Variants in BMAL1 observed in about 807,000 individuals in gnomAD.
BMAL1 encodes the protein basic helix-loop-helix ARNT-like protein 1.
At chr11:13,287,425 G>C in the BMAL1 span, among the ~76,000 whole-genome samples, 1 of 152,154 alleles carries the variant, frequency 6.6e-6, no homozygotes, top group Non-Finnish European at 1.5e-5. Flanking sequence ...ATTAGACCTA[G>C]CCTGCCTTCT....
At chr11:13,361,276 G>C in the BMAL1 span, among the ~76,000 whole-genome samples, 2 of 152,154 alleles carry the variant, frequency 1.3e-5, no homozygotes, top group Non-Finnish European at 2.9e-5. Context: ...GAATTAGGTC[G>C]GCACAAAGCT....
the BMAL1 span, among the ~76,000 whole-genome samples, chr11:13,299,991 CGTTCTGCAAACATAGGGAAA>C: frequency 6.6e-6 from 1 of 152,186 alleles, no homozygotes; most frequent in Admixed American, 6.5e-5. Context: ...GAGATGGATT[CGTTCTGCAAACATAGGGAAA>C]GTTCCCTTCC....
the BMAL1 span, among the ~76,000 whole-genome samples, chr11:13,382,721 T>C: frequency 1.2e-4 from 19 of 152,350 alleles, no homozygotes; most frequent in African/African-American, 4.3e-4. Flanking sequence ...CAGTCCAGTA[T>C]AGGCTTAAAT....
At chr11:13,316,124 C>T in the BMAL1 span, among the ~76,000 whole-genome samples, 5 of 152,218 alleles carry the variant, frequency 3.3e-5, no homozygotes, top group African/African-American at 1.2e-4. Context: ...CTGCCCTTCT[C>T]CTGGTCCTCT....
the BMAL1 span, chr11:13,358,624 C>T: frequency 1.3e-6 from 2 of 1,513,652 alleles, no homozygotes; most frequent in Non-Finnish European, 1.8e-6. Context: ...CCTTTATGTC[C>T]TTGCCCACAA....
At chr11:13,375,891 A>G in the BMAL1 span, 1 of 877,668 alleles carries the variant, frequency 1.1e-6, no homozygotes, top group Admixed American at 3.9e-5. Context: ...AATACCTGTG[A>G]AGCCTCAGGA....
chr11:13,378,804 C>T, the BMAL1 span: 3 of 243,164 alleles, frequency 1.2e-5, no homozygotes, highest in South Asian at 5.1e-5. Flanking sequence ...CTTCTCAGTG[C>T]GGATAGATGT....
At chr11:13,293,362 A>G in the BMAL1 span, among the ~76,000 whole-genome samples, 28 of 152,216 alleles carry the variant, frequency 1.8e-4, no homozygotes, top group African/African-American at 6.8e-4. Flanking sequence ...AACCTGGGGC[A>G]AAAAACTCCC....
chr11:13,342,789 A>G, the BMAL1 span, among the ~76,000 whole-genome samples: 18 of 152,298 alleles, frequency 1.2e-4, no homozygotes, highest in South Asian at 2.1e-4. Flanking sequence ...TGTGCTGTAC[A>G]GTGGAAGGAG....
the BMAL1 span, among the ~76,000 whole-genome samples, chr11:13,346,058 G>A: frequency 6.6e-6 from 1 of 152,232 alleles, no homozygotes; most frequent in African/African-American, 2.4e-5. Flanking sequence ...CATCTCAGTG[G>A]CTTACTGTAG....
chr11:13,321,233 T>A, the BMAL1 span, among the ~76,000 whole-genome samples: 4 of 152,306 alleles, frequency 2.6e-5, no homozygotes, highest in African/African-American at 7.2e-5. Context: ...TAGCTGGGGT[T>A]TTTTTTGCAT....
chr11:13,287,864 G>T, the BMAL1 span, among the ~76,000 whole-genome samples: 1 of 152,186 alleles, frequency 6.6e-6, no homozygotes, highest in Non-Finnish European at 1.5e-5. Flanking sequence ...TATTTATTCA[G>T]TCAACAAATA....
chr11:13,344,484 T>C, the BMAL1 span, among the ~76,000 whole-genome samples: 1 of 152,248 alleles, frequency 6.6e-6, no homozygotes, highest in Admixed American at 6.5e-5. Context: ...TCTTTCTAAC[T>C]GGACTGAGGA....
At chr11:13,302,771 C>T in the BMAL1 span, among the ~76,000 whole-genome samples, 4 of 152,332 alleles carry the variant, frequency 2.6e-5, no homozygotes, top group East Asian at 1.9e-4. Context: ...CACTTGTCAT[C>T]GCCCCTGCCC....
At chr11:13,279,261 G>C in the BMAL1 span, among the ~76,000 whole-genome samples, 5 of 152,154 alleles carry the variant, frequency 3.3e-5, no homozygotes, top group Non-Finnish European at 7.3e-5. Context: ...AGCTTTTCTT[G>C]ACACTACCCG....
At chr11:13,307,106 T>C in the BMAL1 span, among the ~76,000 whole-genome samples, 1 of 152,178 alleles carries the variant, frequency 6.6e-6, no homozygotes, top group Non-Finnish European at 1.5e-5. Context: ...CCCACCCCTG[T>C]TGGGGCAACC....
the BMAL1 span, among the ~76,000 whole-genome samples, chr11:13,319,418 CA>C: frequency 6.6e-6 from 1 of 152,090 alleles, no homozygotes; most frequent in Non-Finnish European, 1.5e-5. Context: ...TCCATAATGC[CA>C]AATTACCCTC....
chr11:13,302,096 G>A, the BMAL1 span, among the ~76,000 whole-genome samples: 1 of 152,304 alleles, frequency 6.6e-6, no homozygotes, highest in African/African-American at 2.4e-5. Context: ...TGGAGATGAG[G>A]GGCATTGGAG....
At chr11:13,379,521 T>C in the BMAL1 span, 1 of 152,194 alleles carries the variant, frequency 6.6e-6, no homozygotes, top group Admixed American at 6.5e-5. Flanking sequence ...ACCCTATACT[T>C]TGCATTTGCA....
Sources: gnomAD v4.1 joint callset for allele counts (sites outside exome capture counted in the v4.1 genomes callset) on GRCh38, gnomAD v4.1.1 for gene constraint, MANE v1.5 for transcripts, NCBI Gene and HGNC (gene_info 2026-07-23, HGNC 2026-07-21) for gene names.